RPS6KC1: variants seen among roughly 807,000 people sequenced by gnomAD.
RPS6KC1 encodes the protein ribosomal protein S6 kinase C1, also known as inactive ribosomal protein S6 kinase delta-1.
In RPS6KC1, 54 loss-of-function variants were observed where a neutral mutation model predicts 103.8. The ratio of observed to expected loss-of-function variants is 0.52; its 90% CI spans 0.42 to 0.65. The LOEUF (loss-of-function observed/expected upper bound fraction) is 0.65. Ranked by LOEUF, RPS6KC1 falls within the 30% of genes least tolerant of loss-of-function variation. The pLI is 0.00. For synonymous variants in RPS6KC1, 439 were observed against 438.7 expected (o/e 1.00, Z -0.01); for missense variants, 1,151 against 1,253.8 (o/e 0.92, Z 1.24).
the RPS6KC1 span, among the ~76,000 whole-genome samples, chr1:213,298,181 C>T: frequency 1.3e-5 from 2 of 152,326 alleles, no homozygotes; most frequent in South Asian, 2.1e-4. Context: ...TCCACACCTT[C>T]GTCTTCTACG....
chr1:213,859,984 A>T, the RPS6KC1 span, among the ~76,000 whole-genome samples: 1 of 151,710 alleles, frequency 6.6e-6, no homozygotes, highest in Non-Finnish European at 1.5e-5. Flanking sequence ...AACAAAAAAA[A>T]AATCTAATTA....
At chr1:213,165,943 A>G (rs1202433945) in intron 6 of RPS6KC1, among the ~76,000 whole-genome samples, 1 of 152,252 alleles carries the variant, frequency 6.6e-6, no homozygotes, top group African/African-American at 2.4e-5. Context: ...CATATTCAGC[A>G]GGAGTCCATT....
At chr1:213,189,666 T>C (rs965751791) in intron 8 of RPS6KC1, among the ~76,000 whole-genome samples, 9 of 152,198 alleles carry the variant, frequency 5.9e-5, no homozygotes, top group Admixed American at 2.0e-4. Flanking sequence ...TCCAGTTATA[T>C]TCTTTTAGTT....
the RPS6KC1 span, among the ~76,000 whole-genome samples, chr1:213,796,083 C>G: frequency 6.6e-6 from 1 of 152,218 alleles, no homozygotes; most frequent in African/African-American, 2.4e-5. Flanking sequence ...GATATTGTTA[C>G]AGCCACCAGT....
chr1:213,849,811 T>C, the RPS6KC1 span, among the ~76,000 whole-genome samples: 1 of 152,142 alleles, frequency 6.6e-6, no homozygotes, highest in Non-Finnish European at 1.5e-5. Flanking sequence ...CAATTTTTCA[T>C]GTAGCTTCTG....
At chr1:213,642,560 G>A in the RPS6KC1 span, among the ~76,000 whole-genome samples, 14 of 151,982 alleles carry the variant, frequency 9.2e-5, no homozygotes, top group Admixed American at 2.0e-4. Context: ...CTTATTAATC[G>A]TAGGAGGTTT....
At chr1:213,378,626 TAATA>T in the RPS6KC1 span, among the ~76,000 whole-genome samples, 2 of 152,224 alleles carry the variant, frequency 1.3e-5, no homozygotes, top group Non-Finnish European at 2.9e-5. Context: ...TTATTTTATT[TAATA>T]AATAAATGAT....
the RPS6KC1 span, among the ~76,000 whole-genome samples, chr1:213,418,289 G>A: frequency 6.6e-6 from 1 of 152,202 alleles, no homozygotes; most frequent in Non-Finnish European, 1.5e-5. Flanking sequence ...GTGTAACACA[G>A]TGCTTGTACA....
At chr1:213,300,955 C>T in the RPS6KC1 span, among the ~76,000 whole-genome samples, 1 of 152,062 alleles carries the variant, frequency 6.6e-6, no homozygotes, top group African/African-American at 2.4e-5. Flanking sequence ...GGGAATCAGC[C>T]GATCCTCTTC....
At chr1:213,398,094 C>T in the RPS6KC1 span, among the ~76,000 whole-genome samples, 4 of 151,704 alleles carry the variant, frequency 2.6e-5, no homozygotes, top group South Asian at 4.2e-4. Flanking sequence ...TGCAGTGGTG[C>T]GATCTCGGCT....
chr1:213,082,526 G>A (rs1273153596), intron 3 of RPS6KC1, among the ~76,000 whole-genome samples: 1 of 152,196 alleles, frequency 6.6e-6, no homozygotes, highest in African/African-American at 2.4e-5. Flanking sequence ...TTAGGTAAGT[G>A]TTACTGGAAA....
At chr1:213,796,698 C>A in the RPS6KC1 span, among the ~76,000 whole-genome samples, 1 of 152,192 alleles carries the variant, frequency 6.6e-6, no homozygotes. Flanking sequence ...TAAACCCATT[C>A]ACACAGGCAC....
At chr1:213,778,113 G>A in the RPS6KC1 span, among the ~76,000 whole-genome samples, 4 of 152,222 alleles carry the variant, frequency 2.6e-5, no homozygotes, top group African/African-American at 7.2e-5. Context: ...CAGAGGACCA[G>A]TGTAGCCTCA....
chr1:213,722,034 G>T, the RPS6KC1 span, among the ~76,000 whole-genome samples: 1 of 152,032 alleles, frequency 6.6e-6, no homozygotes, highest in African/African-American at 2.4e-5. Flanking sequence ...GATTTTCTGT[G>T]CATGCTGCCA....
chr1:213,204,048 T>C (rs900097911), intron 8 of RPS6KC1, among the ~76,000 whole-genome samples: 20 of 152,218 alleles, frequency 1.3e-4, no homozygotes, highest in African/African-American at 4.8e-4. Context: ...TAGACACCCC[T>C]CTTCTTTGTT....
chr1:213,629,947 A>C, the RPS6KC1 span, among the ~76,000 whole-genome samples: 1 of 152,190 alleles, frequency 6.6e-6, no homozygotes, highest in Non-Finnish European at 1.5e-5. Context: ...TTCTGCCGAG[A>C]GATCAGCGCT....
At chr1:213,565,237 G>A in the RPS6KC1 span, among the ~76,000 whole-genome samples, 2 of 152,158 alleles carry the variant, frequency 1.3e-5, no homozygotes, top group Admixed American at 1.3e-4. Context: ...ACACACCTAC[G>A]CCATGACTTA....
the RPS6KC1 span, among the ~76,000 whole-genome samples, chr1:213,811,553 G>A: frequency 6.6e-6 from 1 of 152,204 alleles, no homozygotes; most frequent in African/African-American, 2.4e-5. Flanking sequence ...TAGGAAAAGG[G>A]CATTAATAAC....
chr1:213,088,398 C>G (rs1389135576), intron 3 of RPS6KC1, among the ~76,000 whole-genome samples: 2 of 151,526 alleles, frequency 1.3e-5, no homozygotes, highest in African/African-American at 4.9e-5. Flanking sequence ...GAGTCTTGCT[C>G]TGTTGCCCAG....
Sources: gnomAD v4.1 joint callset for allele counts (sites outside exome capture counted in the v4.1 genomes callset) on GRCh38, gnomAD v4.1.1 for gene constraint, MANE v1.5 for transcripts, NCBI Gene and HGNC (gene_info 2026-07-23, HGNC 2026-07-21) for gene names.